The following EIF4H variants were observed in gnomAD, a reference collection of about 807,000 sequenced individuals.
EIF4H encodes Williams-Beuren syndrome chromosome region 1.
EIF4H carries 8 observed loss-of-function variants against 30.6 expected under a neutral mutation model. That is an observed-to-expected ratio of 0.26 (90% confidence interval 0.15 to 0.47). EIF4H has a LOEUF of 0.47. Ranked by LOEUF, EIF4H falls within the 20% of genes least tolerant of loss-of-function variation. EIF4H has a pLI of 0.99. For missense variants in EIF4H, 188 were observed against 339.5 expected (o/e 0.55, Z 3.51); for synonymous variants, 106 against 122.7 (o/e 0.86, Z 0.90).
At chr7:74,192,082 A>G (rs911072908) in intron 5 of EIF4H, among the ~76,000 whole-genome samples, 1 of 152,128 alleles carries the variant, frequency 6.6e-6, no homozygotes, top group African/African-American at 2.4e-5. Flanking sequence ...CCCGGCCCCC[A>G]CCAACAGATT....
At position 74,187,927 on chromosome 7, in the gene EIF4H, C is replaced by A. The variant is rs782477154; in HGVS notation, c.247+129C>A. ...AAAGTGTTTTAAACATTTGCCTGGTCTAAGTGGCCGAAAGAAACATAACTC... is the reference window on the plus strand; with the variant it reads ...AAAGTGTTTTAAACATTTGCCTGGTATAAGTGGCCGAAAGAAACATAACTC... On this transcript the variant is annotated intron_variant, in intron 2 of 6. Coordinates refer to ENST00000265753, the MANE Select transcript of EIF4H (RefSeq NM_022170.2). 4.5e-6 allele frequency: 5 copies of A among 1,105,604 alleles called. No individual in the cohort carries two copies. The Admixed American group carries it at 1.4e-4, about 31-fold the overall frequency. The allele number at this position is 1,105,604 out of a possible 1,614,324, so 68.5% of individuals were successfully genotyped here.
At chr7:74,193,131 A>G (rs1801262630) in intron 5 of EIF4H, among the ~76,000 whole-genome samples, 1 of 152,196 alleles carries the variant, frequency 6.6e-6, no homozygotes, top group Non-Finnish European at 1.5e-5. Flanking sequence ...TTTTGTCTGT[A>G]AGACACCTGA....
Position 74,194,759 on chromosome 7 carries a change from TAGG to T in EIF4H, c.489_491del (p.Gly165del). On this transcript the variant is annotated inframe_deletion, in exon 6 of 7. Coordinates refer to ENST00000265753, the MANE Select transcript of EIF4H (RefSeq NM_022170.2). ...TCCTCAGGCTTCAGGGATGACTTCT[TAGG>T]GGGCAGGGGAGGTAGTCGCCCAGGC... The T allele has an allele frequency of 6.3e-7, 1 of 1,592,980 alleles. No homozygotes were observed. Among genetic ancestry groups the T allele is most frequent in the Non-Finnish European group, 8.6e-7 (1 of 1,163,348 alleles).
rs781929810 is a variant in EIF4H, at chr7:74,195,338, G to A, written c.*30G>A. The A allele has an allele frequency of 2.7e-5, 44 of 1,605,706 alleles. No homozygotes were observed. Among genetic ancestry groups the A allele is most frequent in the Middle Eastern group, 2.1e-4 (1 of 4,840 alleles). ...GCGGTTGGGAGGGAATGGGGCGTGGGGGGTTAGAGCAGGACCACAGCCTGG... is the reference window on the plus strand; with the variant it reads ...GCGGTTGGGAGGGAATGGGGCGTGGAGGGTTAGAGCAGGACCACAGCCTGG... On this transcript the variant is annotated 3_prime_UTR_variant, in exon 7 of 7. Coordinates refer to ENST00000265753, the MANE Select transcript of EIF4H (RefSeq NM_022170.2).
At chr7:74,186,160 G>A (rs782794707) in intron 1 of EIF4H, among the ~76,000 whole-genome samples, 27 of 151,656 alleles carry the variant, frequency 1.8e-4, no homozygotes, top group East Asian at 1.9e-4. Context: ...ACTTTAAGTC[G>A]TTCCTGGGGC....
chr7:74,181,719 C>A (rs988316787), intron 1 of EIF4H, among the ~76,000 whole-genome samples: 26 of 150,496 alleles, frequency 1.7e-4, no homozygotes, highest in African/African-American at 6.4e-4. Context: ...GCTGGGATTA[C>A]AGGTGTGAGC....
chr7:74,190,221 A>T, intron 4 of EIF4H, 26 bp from the exon 5 acceptor site: 1 of 1,612,590 alleles, frequency 6.2e-7, no homozygotes, highest in Non-Finnish European at 8.5e-7. Context: ...CACGACCTCA[A>T]CTTTATCTTT....
Position 74,195,507 on chromosome 7 carries a change from G to T in EIF4H, c.*199G>T. ...CTGGGCTTTGCTGTATCTATCTAGTGCCTGTTTGTGCGTTTTTTTCTTTCT... is the reference window on the plus strand; with the variant it reads ...CTGGGCTTTGCTGTATCTATCTAGTTCCTGTTTGTGCGTTTTTTTCTTTCT... On this transcript the variant is annotated 3_prime_UTR_variant, in exon 7 of 7. Transcript: ENST00000265753. 8.4e-6 allele frequency: 4 copies of T among 473,718 alleles called. No homozygotes were observed. Among genetic ancestry groups the T allele is most frequent in the Non-Finnish European group, 1.5e-5 (4 of 270,652 alleles). 29.3% of individuals were successfully genotyped at this position (473,718 alleles called of 1,614,324 possible). A position where few individuals can be genotyped will look rare whatever the true frequency, so the allele number is the denominator to read the frequency against.
rs537179022 is a variant in EIF4H, at chr7:74,187,448, C to A, written c.60-163C>A. ...TCTGTCTCAAAAAATTTTTCTTTTCCTTTTTTTTTGTTTCTCCAGCCATTC... is the reference window on the plus strand; with the variant it reads ...TCTGTCTCAAAAAATTTTTCTTTTCATTTTTTTTTGTTTCTCCAGCCATTC... On this transcript the variant is annotated intron_variant, in intron 1 of 6. Transcript: ENST00000265753. Among the ~76,000 whole-genome samples the A allele has an allele frequency of 4.0e-5, 6 of 151,390 alleles. No homozygotes were observed. In the South Asian group the frequency reaches 1.3e-3, roughly 32 times the overall value.
At chr7:74,186,376 G>C (rs1801080955) in intron 1 of EIF4H, among the ~76,000 whole-genome samples, 1 of 151,900 alleles carries the variant, frequency 6.6e-6, no homozygotes, top group Non-Finnish European at 1.5e-5. Flanking sequence ...ACCACACCAA[G>C]CTAATTTTGT....
intron 6 of EIF4H, 27 bp downstream of exon 6, chr7:74,194,905 C>A: frequency 1.3e-6 from 2 of 1,570,522 alleles, no homozygotes; most frequent in Non-Finnish European, 1.7e-6. Flanking sequence ...CAGTGGAGGG[C>A]ATCTTGTCCT....
intron 5 of EIF4H, among the ~76,000 whole-genome samples, chr7:74,190,760 A>T (rs1801187896): frequency 6.6e-6 from 1 of 151,874 alleles, no homozygotes; most frequent in Non-Finnish European, 1.5e-5. Flanking sequence ...GGTGGACCTG[A>T]TGCACTTCGC....
chr7:74,191,068 G>A (rs139080642), intron 5 of EIF4H: 40 of 440,152 alleles, frequency 9.1e-5, no homozygotes, highest in African/African-American at 7.5e-4. Flanking sequence ...AACAAAACCG[G>A]TGTAAAGTAG....
chr7:74,179,131 C>T (rs1800902637), intron 1 of EIF4H, among the ~76,000 whole-genome samples: 1 of 152,178 alleles, frequency 6.6e-6, no homozygotes, highest in Non-Finnish European at 1.5e-5. Flanking sequence ...TGTCTCCACT[C>T]TTGGAATGTG....
intron 1 of EIF4H, among the ~76,000 whole-genome samples, chr7:74,177,223 A>G (rs1465616417): frequency 9.2e-5 from 14 of 152,326 alleles, no homozygotes; most frequent in African/African-American, 3.4e-4. Flanking sequence ...TGTTGGGATT[A>G]CAGGCATGAG....
In EIF4H at chr7:74,194,813, G is replaced by T; in HGVS notation, c.542G>T (p.Gly181Val). ...PGDRRTGPPM[G>V]SRFRDGPPLR... The stretch of plus-strand genomic sequence containing the variant: ...GACCGGCGAACAGGCCCCCCCATGG[G>T]CAGCCGCTTCAGAGATGGCCCTCCC... The change falls in exon 6 of 7, where the codon GGC becomes GTC. Residue 181 changes from glycine to valine, a missense_variant. Physicochemically the swap from Gly to Val is moderately radical, Grantham distance 109. This residue lies in a region of EIF4H where 76 missense variants were observed against 85.8 expected (regional missense o/e 0.89). Transcript: ENST00000265753. 6.2e-7 allele frequency: 1 copy of T among 1,605,754 alleles called. No individual in the cohort carries two copies. The highest frequency in any genetic ancestry group is 2.2e-5 in the East Asian group (1 of 44,542).
At position 74,194,886 on chromosome 7, in the gene EIF4H, C is replaced by G; in HGVS notation, c.607+8C>G. The G allele has an allele frequency of 6.3e-7, 1 of 1,582,672 alleles. No individual in the cohort carries two copies. The highest frequency in any genetic ancestry group is 8.6e-7 in the Non-Finnish European group (1 of 1,156,562). On this transcript the variant is annotated splice_region_variant and intron_variant, in intron 6 of 6. Transcript: ENST00000265753. ...TCAGAGAACCCACAGAAGGTACGGG[C>G]TCATGTGTCAGTGGAGGGCATCTTG...
chr7:74,195,808 A>T lies in EIF4H; in HGVS notation c.*500A>T, dbSNP rs1554710664. 6.4e-6 allele frequency: 1 copy of T among 155,152 alleles called. No individual in the cohort carries two copies. Among genetic ancestry groups the T allele is most frequent in the African/African-American group, 2.4e-5 (1 of 41,538 alleles). 9.6% of individuals were successfully genotyped at this position (155,152 alleles called of 1,614,324 possible). A position where few individuals can be genotyped will look rare whatever the true frequency, so the allele number is the denominator to read the frequency against. On this transcript the variant is annotated 3_prime_UTR_variant, in exon 7 of 7. Coordinates refer to ENST00000265753, the MANE Select transcript of EIF4H (RefSeq NM_022170.2). The stretch of plus-strand genomic sequence containing the variant: ...AACCAGAGTCACTGACAGAGGGAAC[A>T]GCAGAGACCTTGTTGGTATTCAGCT...
chr7:74,182,584 G>T (rs1004825162), intron 1 of EIF4H, among the ~76,000 whole-genome samples: 7 of 152,180 alleles, frequency 4.6e-5, no homozygotes, highest in African/African-American at 1.7e-4. Flanking sequence ...GTTTAAATGA[G>T]ATGTGTCTCA....
Sources: gnomAD v4.1 joint callset for allele counts (sites outside exome capture counted in the v4.1 genomes callset) on GRCh38, gnomAD v4.1.1 for gene constraint, gnomAD v4.1.1 regional missense constraint, MANE v1.5 for transcripts, NCBI Gene and HGNC (gene_info 2026-07-23, HGNC 2026-07-21) for gene names.